Variants in COPG2 observed in about 807,000 individuals in gnomAD.
COPG2 encodes the protein coat protein complex I subunit gamma 2.
A neutral mutation model predicts 46.3 loss-of-function variants in COPG2; 37 were observed. The ratio of observed to expected loss-of-function variants is 0.80; its 90% CI spans 0.61 to 1.05. The LOEUF is 1.05. COPG2 is among the 50% of genes least tolerant of loss of function. The pLI is 0.00. For synonymous variants in COPG2, 159 were observed against 129.7 expected, an observed-to-expected ratio of 1.23 and a Z score of -1.53; for missense variants, 427 against 387.8, an observed-to-expected ratio of 1.10 and a Z score of -0.85.
intron 20 of COPG2, among the ~76,000 whole-genome samples, chr7:130,521,643 G>A (rs1165723278): frequency 1.3e-5 from 2 of 152,134 alleles, no homozygotes; most frequent in African/African-American, 4.8e-5. Flanking sequence ...CACTATAATC[G>A]TATCATATGG....
intron 20 of COPG2, among the ~76,000 whole-genome samples, chr7:130,520,120 C>T (rs1029299229): frequency 1.2e-4 from 19 of 152,262 alleles, no homozygotes; most frequent in African/African-American, 3.9e-4. Context: ...ATAAGGTTAA[C>T]ATCCAGAGAA....
chr7:130,664,535 T>C (rs782636204), intron 3 of COPG2, among the ~76,000 whole-genome samples: 33 of 152,222 alleles, frequency 2.2e-4, no homozygotes, highest in Non-Finnish European at 3.8e-4. Context: ...AATTCAAAAG[T>C]ATCTTTCTAT....
chr7:130,578,097 T>C (rs1176586442), intron 9 of COPG2, among the ~76,000 whole-genome samples: 34 of 152,158 alleles, frequency 2.2e-4, no homozygotes, highest in African/African-American at 6.5e-4. Flanking sequence ...TAAATGTCCC[T>C]GTCTGACAGC....
At chr7:130,515,870 G>A (rs1799674120) in intron 20 of COPG2, among the ~76,000 whole-genome samples, 1 of 152,028 alleles carries the variant, frequency 6.6e-6, no homozygotes, top group African/African-American at 2.4e-5. Flanking sequence ...CTGGTAGAGT[G>A]ATTTTATGTT....
At chr7:130,583,805 C>CAAAAA (rs1168370976) in intron 9 of COPG2, among the ~76,000 whole-genome samples, 2 of 12,356 alleles carry the variant, frequency 1.6e-4, no homozygotes, top group African/African-American at 6.3e-4. Flanking sequence ...GACTCCATCT[C>CAAAAA]AAAAAAAAAA....
intron 4 of COPG2, among the ~76,000 whole-genome samples, chr7:130,657,842 T>C (rs183831831): frequency 3.3e-5 from 5 of 152,058 alleles, no homozygotes; most frequent in Non-Finnish European, 5.9e-5. Context: ...GGGATACCAT[T>C]ATACACCTAT....
chr7:130,577,558 G>A (rs1295824469), intron 9 of COPG2, among the ~76,000 whole-genome samples: 1 of 151,622 alleles, frequency 6.6e-6, no homozygotes, highest in Non-Finnish European at 1.5e-5. Context: ...TCAGGAGATC[G>A]AGACCATCCT....
chr7:130,566,800 A>G (rs1167962107), intron 9 of COPG2, among the ~76,000 whole-genome samples: 3 of 152,204 alleles, frequency 2.0e-5, no homozygotes, highest in Admixed American at 2.0e-4. Flanking sequence ...ATGTGATAAG[A>G]AAGTCAGGCA....
chr7:130,565,867 G>T (rs1283579929), intron 9 of COPG2, among the ~76,000 whole-genome samples: 3 of 151,958 alleles, frequency 2.0e-5, no homozygotes, highest in African/African-American at 7.2e-5. Flanking sequence ...AAGAAAACTT[G>T]TAGATCTACT....
At chr7:130,612,853 C>CG (rs1794875981) in intron 7 of COPG2, among the ~76,000 whole-genome samples, 1 of 152,034 alleles carries the variant, frequency 6.6e-6, no homozygotes, top group Non-Finnish European at 1.5e-5. Context: ...CCAGAAAAAG[C>CG]AGAGGACAAA....
At chr7:130,593,309 AT>A (rs1456687105) in intron 9 of COPG2, among the ~76,000 whole-genome samples, 1 of 152,356 alleles carries the variant, frequency 6.6e-6, no homozygotes, top group East Asian at 1.9e-4. Flanking sequence ...TATCTGGAAA[AT>A]AAGACTGGCC....
chr7:130,530,152 A>G (rs1799810468), intron 20 of COPG2, among the ~76,000 whole-genome samples: 1 of 152,086 alleles, frequency 6.6e-6, no homozygotes, highest in African/African-American at 2.4e-5. Context: ...TGTAAGAAGA[A>G]GTCTTAAACT....
chr7:130,601,190 G>A (rs1344713719), intron 9 of COPG2, among the ~76,000 whole-genome samples: 3 of 152,222 alleles, frequency 2.0e-5, no homozygotes, highest in East Asian at 1.9e-4. Flanking sequence ...AGGATGTGGA[G>A]AAATAGGAAC....
intron 5 of COPG2, among the ~76,000 whole-genome samples, chr7:130,648,740 A>G (rs1334181614): frequency 6.6e-6 from 1 of 152,224 alleles, no homozygotes; most frequent in Non-Finnish European, 1.5e-5. Context: ...AATTCTGTAA[A>G]GTTCTCAGTT....
intron 20 of COPG2, chr7:130,511,417 GCAGT>G: frequency 1.9e-6 from 1 of 520,088 alleles, no homozygotes; most frequent in East Asian, 5.5e-5. Context: ...GGAAAGCTGG[GCAGT>G]GAGTGCCAAA....
chr7:130,514,132 T>C (rs148224884), intron 20 of COPG2, among the ~76,000 whole-genome samples: 2,793 of 152,320 alleles, frequency 0.018, 52 homozygotes, highest in East Asian at 0.068. Flanking sequence ...AAGCAGTAGA[T>C]ACAATGGAAG....
chr7:130,659,540 T>A (rs1554460387), intron 4 of COPG2, among the ~76,000 whole-genome samples: 1 of 152,106 alleles, frequency 6.6e-6, no homozygotes, highest in South Asian at 2.1e-4. Flanking sequence ...TATTCACATA[T>A]TGGAATTCCA....
chr7:130,578,674 C>T (rs1554446679), intron 9 of COPG2, among the ~76,000 whole-genome samples: 1 of 152,006 alleles, frequency 6.6e-6, no homozygotes, highest in Admixed American at 6.6e-5. Flanking sequence ...GAGCTGAAAA[C>T]CAAGGCCCGA....
intron 20 of COPG2, among the ~76,000 whole-genome samples, chr7:130,517,736 G>A (rs1799691101): frequency 6.6e-6 from 1 of 152,202 alleles, no homozygotes; most frequent in Non-Finnish European, 1.5e-5. Context: ...AAATGGATAG[G>A]TAAGATATGA....
Sources: gnomAD v4.1 joint callset for allele counts (sites outside exome capture counted in the v4.1 genomes callset) on GRCh38, gnomAD v4.1.1 for gene constraint, MANE v1.5 for transcripts, NCBI Gene and HGNC (gene_info 2026-07-23, HGNC 2026-07-21) for gene names.